The following MBTPS1 variants were observed in gnomAD, a reference collection of about 807,000 sequenced individuals.
The protein encoded by MBTPS1 is membrane-bound transcription factor site-1 protease.
Under a neutral mutation model 127.8 loss-of-function variants are expected in MBTPS1, and 94 were observed. The observed-to-expected ratio is 0.74, with a 90% CI of 0.62 to 0.87. The LOEUF (loss-of-function observed/expected upper bound fraction) is 0.87, where lower values mean the gene tolerates loss of function less well. Among genes scored for constraint, MBTPS1 ranks in the 40% least tolerant of loss-of-function variants. MBTPS1 has a pLI of 0.00. For synonymous variants in MBTPS1, 632 were observed against 509.4 expected (o/e 1.24, Z -3.24); for missense variants, 1,636 against 1,353.2 (o/e 1.21, Z -3.28).
intron 11 of MBTPS1, among the ~76,000 whole-genome samples, chr16:84,077,301 G>GA (rs922473902): frequency 6.1e-4 from 88 of 144,170 alleles, no homozygotes; most frequent in Non-Finnish European, 9.2e-4. Context: ...AGAAAACAAC[G>GA]AAAAAAAAAA....
At chr16:84,081,934 A>G in intron 10 of MBTPS1, 26 bp from the exon 11 acceptor site, 1 of 1,348,684 alleles carries the variant, frequency 7.4e-7, no homozygotes, top group Non-Finnish European at 9.6e-7. Flanking sequence ...AGAATTGCCT[A>G]TTTTCTCTCA....
chr16:84,070,850 T>A, intron 12 of MBTPS1, 74 bp from the exon 13 acceptor site: 1 of 1,216,604 alleles, frequency 8.2e-7, no homozygotes, highest in Admixed American at 2.4e-5. Flanking sequence ...CCAGAAAAAC[T>A]CAATTCTTAC....
At chr16:84,093,638 GACTGTGGAATCATGCACTAAACAC>G in intron 5 of MBTPS1, 49 bp downstream of exon 5, 1 of 1,047,264 alleles carries the variant, frequency 9.5e-7, no homozygotes, top group Non-Finnish European at 1.5e-6. Context: ...TTGCTGGACA[GACTGTGGAATCATGCACTAAACAC>G]ACTCTCAGTC....
chr16:84,091,204 G>A (rs1367966446), intron 7 of MBTPS1, among the ~76,000 whole-genome samples: 2 of 152,142 alleles, frequency 1.3e-5, no homozygotes, highest in East Asian at 1.9e-4. Flanking sequence ...AGAAAGAATT[G>A]GCAGGGCATG....
intron 2 of MBTPS1, among the ~76,000 whole-genome samples, chr16:84,099,562 G>C (rs1240961471): frequency 6.6e-6 from 1 of 152,112 alleles, no homozygotes; most frequent in Non-Finnish European, 1.5e-5. Flanking sequence ...GACGTGGGCA[G>C]ATTACGAGGT....
chr16:84,065,633 G>T, intron 18 of MBTPS1, 57 bp downstream of exon 18: 1 of 1,103,284 alleles, frequency 9.1e-7, no homozygotes, highest in Non-Finnish European at 1.4e-6. Flanking sequence ...GAGAGAAGCG[G>T]GGGAAAAGGG....
At chr16:84,087,589 T>G (rs2086048514) in intron 8 of MBTPS1, 129 bp from the exon 9 acceptor site, 1 of 626,820 alleles carries the variant, frequency 1.6e-6, no homozygotes, top group Non-Finnish European at 2.8e-6. Context: ...GCTGCTTCTG[T>G]GGGAAGACGT....
intron 8 of MBTPS1, among the ~76,000 whole-genome samples, chr16:84,090,451 C>A (rs1187060143): frequency 6.6e-6 from 1 of 152,194 alleles, no homozygotes; most frequent in African/African-American, 2.4e-5. Flanking sequence ...ACTGTGCTCG[C>A]ACCTGCTCTT....
At chr16:84,068,272 TCAGA>T (rs2085718784) in intron 15 of MBTPS1, 63 bp downstream of exon 15, 1 of 1,105,610 alleles carries the variant, frequency 9.0e-7, no homozygotes, top group Non-Finnish European at 1.4e-6. Context: ...GATTCACTCC[TCAGA>T]CATTTAACAA....
At chr16:84,088,732 T>G (rs973784393) in intron 8 of MBTPS1, among the ~76,000 whole-genome samples, 2 of 152,134 alleles carry the variant, frequency 1.3e-5, no homozygotes, top group Admixed American at 6.5e-5. Context: ...GGAGGATGTG[T>G]GCCTCATTCC....
At position 84,099,072 on chromosome 16, in the gene MBTPS1, A is replaced by G. The variant is rs2086217982; in HGVS notation, c.402T>C (p.Arg134=). Residue 134 remains arginine, a synonymous_variant, in exon 3 of 23, where the codon CGT becomes CGC. Coordinates refer to ENST00000343411, the MANE Select transcript of MBTPS1 (RefSeq NM_003791.4). ...ACTCACATTCAGCATACTTGAGGGA[A>G]CGAAAGACTTTTCGTTGGGGCGTGA... is the stretch of plus-strand genomic sequence containing the variant. ...KRVTPQRKVF[R]SLKYAESDPT... 1.2e-6 allele frequency: 2 copies of G among 1,614,148 alleles called. No individual in the cohort carries two copies. Among genetic ancestry groups the G allele is most frequent in the Non-Finnish European group, 1.7e-6 (2 of 1,180,022 alleles).
rs2086095520 is a variant in MBTPS1, at chr16:84,090,887, C to G, written c.1019G>C (p.Gly340Ala). ...VIMVSAIGND[G>A]PLYGTLNNPA... ...TGGGGCTACTTACCCATAAAGAGGTCCGTCATTGCCAATAGCAGAAACCAT... is the reference window on the plus strand; with the variant it reads ...TGGGGCTACTTACCCATAAAGAGGTGCGTCATTGCCAATAGCAGAAACCAT... The change falls in exon 8 of 23, where the codon GGA becomes GCA. Residue 340 changes from glycine to alanine, a missense_variant. Transcript: ENST00000343411. The G allele has an allele frequency of 6.2e-7, 1 of 1,612,788 alleles. No homozygotes were observed. The highest frequency in any genetic ancestry group is 1.7e-5 in the Admixed American group (1 of 59,922).
rs1260304879 is a variant in MBTPS1, at chr16:84,059,330, G to T, written c.2803C>A (p.Pro935Thr). 4 of 1,613,972 alleles carry T rather than the reference G, an allele frequency of 2.5e-6. No individual in the cohort carries two copies. Among genetic ancestry groups the T allele is most frequent in the Non-Finnish European group, 3.4e-6 (4 of 1,179,964 alleles). ...PACPRLSWAK[P>T]QPLNETAPSN... ...GGCGCCGTCTCGTTTAAAGGCTGTG[G>T]CTTGGCCCAAGACAAGCGTGGACAG... The change falls in exon 21 of 23, where the codon CCA becomes ACA. Residue 935 changes from proline (P) to threonine (T), a missense_variant. Transcript: ENST00000343411.
chr16:84,071,890 A>G (rs536392338), intron 12 of MBTPS1: 2 of 152,326 alleles, frequency 1.3e-5, no homozygotes, highest in South Asian at 2.1e-4. Context: ...GAAAATCCCA[A>G]TTCCAGGAGA....
Position 84,070,771 on chromosome 16 carries a change from G to C in MBTPS1, c.1599C>G (p.Asp533Glu). The C allele has an allele frequency of 1.2e-6, 2 of 1,604,426 alleles. No individual in the cohort carries two copies. ...GVTGRIVDKP[D>E]WQPYLPQNGD... ...CGTTCTGTGGCAAATAGGGCTGCCA[G>C]TCAGGCTGCAGGAAAAAGAAATCAG... Residue 533 changes from aspartate to glutamate, a missense_variant, in exon 13 of 23, where the codon GAC (aspartate) becomes GAG (glutamate). By Grantham distance (45) the Asp-to-Glu change is conservative (BLOSUM62 2). Transcript: ENST00000343411.
At chr16:84,067,292 T>G (rs538775549) in intron 16 of MBTPS1, among the ~76,000 whole-genome samples, 2 of 152,286 alleles carry the variant, frequency 1.3e-5, no homozygotes, top group East Asian at 3.9e-4. Context: ...TCAATAAACA[T>G]CTTACTCTAT....
intron 14 of MBTPS1, 55 bp from the exon 15 acceptor site, chr16:84,068,509 G>T: frequency 7.9e-7 from 1 of 1,264,052 alleles, no homozygotes; most frequent in East Asian, 2.3e-5. Context: ...GGCAATAAAG[G>T]CATATCTGGC....
At chr16:84,083,915 G>C (rs1259419255) in intron 10 of MBTPS1, among the ~76,000 whole-genome samples, 1 of 152,214 alleles carries the variant, frequency 6.6e-6, no homozygotes, top group Non-Finnish European at 1.5e-5. Context: ...ATGAAAGTGA[G>C]AACATGTGAA....
chr16:84,076,348 G>A (rs1360364674), intron 11 of MBTPS1, among the ~76,000 whole-genome samples: 1 of 151,992 alleles, frequency 6.6e-6, no homozygotes, highest in Non-Finnish European at 1.5e-5. Context: ...ACTTAACGGA[G>A]AAATACAAGA....
Sources: gnomAD v4.1 joint callset for allele counts (sites outside exome capture counted in the v4.1 genomes callset) on GRCh38, gnomAD v4.1.1 for gene constraint, MANE v1.5 for transcripts, NCBI Gene and HGNC (gene_info 2026-07-23, HGNC 2026-07-21) for gene names.